The following GLCCI1 variants were observed in gnomAD, a reference collection of about 807,000 sequenced individuals.
GLCCI1 encodes glucocorticoid-induced transcript 1 protein.
Under a neutral mutation model 52.2 loss-of-function variants are expected in GLCCI1, and 24 were observed. That is an observed-to-expected ratio of 0.46 (90% CI 0.33 to 0.65). The LOEUF (loss-of-function observed/expected upper bound fraction) is 0.65, where lower values mean the gene tolerates loss of function less well. Ranked by LOEUF, GLCCI1 falls within the 30% of genes least tolerant of loss-of-function variation. GLCCI1 has a pLI of 0.02. For missense variants in GLCCI1, 704 were observed against 701.5 expected (o/e 1.00, Z -0.04); for synonymous variants, 310 against 276.5 (o/e 1.12, Z -1.20).
At chr7:8,048,950 G>C (rs143058605) in intron 3 of GLCCI1, among the ~76,000 whole-genome samples, 142 of 152,268 alleles carry the variant, frequency 9.3e-4, no homozygotes, top group Admixed American at 1.5e-3. Context: ...GGGAACGTAA[G>C]TAGAACTGTT....
At chr7:8,078,057 AC>A (rs760024634) in intron 6 of GLCCI1, among the ~76,000 whole-genome samples, 1 of 151,436 alleles carries the variant, frequency 6.6e-6, no homozygotes, top group African/African-American at 2.4e-5. Flanking sequence ...ACACGGTGAA[AC>A]CCCGTCTCTA....
rs1485978860 is a variant in GLCCI1, at chr7:7,984,565, GCTCTACGCAATATCTAA to G, written c.457+14761_457+14777del. On this transcript the variant is annotated intron_variant, in intron 1 of 7. Transcript: ENST00000223145. ...AAAGCAGATTTTGAGGTGGTTATTT[GCTCTACGCAATATCTAA>G]CTTATGTGCAGGTAAAATGACCCAA... 6.6e-5 allele frequency among the ~76,000 whole-genome samples: 10 copies of G among 152,160 alleles called. No individual in the cohort carries two copies. The East Asian group carries it at 1.7e-3, about 26-fold the overall frequency.
chr7:8,005,655 A>G (rs58348680), intron 2 of GLCCI1, among the ~76,000 whole-genome samples: 6,239 of 152,260 alleles, frequency 0.041, 257 homozygotes, highest in East Asian at 0.19. Flanking sequence ...ACAAACATAC[A>G]TATGTATGTA....
chr7:7,976,563 C>A (rs1478318814), intron 1 of GLCCI1, among the ~76,000 whole-genome samples: 1 of 149,644 alleles, frequency 6.7e-6, no homozygotes, highest in African/African-American at 2.5e-5. Context: ...AACTAGTAAC[C>A]CACGGTTGTG....
Position 8,050,206 on chromosome 7 carries a change from C to T in GLCCI1, c.697-5227C>T, listed in dbSNP as rs189024739. 4.3e-4 allele frequency among the ~76,000 whole-genome samples: 66 copies of T among 152,108 alleles called. 1 individual carries two copies. Among genetic ancestry groups the T allele is most frequent in the Admixed American group, 3.7e-3 (56 of 15,278 alleles). ...GTAGATGTGCTTACAGATGACCCTCCCTGTGTATATGTATTGTGCTTGCAC... is the reference window on the plus strand; with the variant it reads ...GTAGATGTGCTTACAGATGACCCTCTCTGTGTATATGTATTGTGCTTGCAC... On this transcript the variant is annotated intron_variant, in intron 3 of 7. Coordinates refer to ENST00000223145, the MANE Select transcript of GLCCI1 (RefSeq NM_138426.4).
intron 2 of GLCCI1, among the ~76,000 whole-genome samples, chr7:8,008,345 A>T (rs1336017303): frequency 2.0e-5 from 3 of 146,914 alleles, no homozygotes; most frequent in Non-Finnish European, 4.5e-5. Flanking sequence ...GAGTGCGGTG[A>T]TGTGATCTTG....
chr7:8,003,783 T>C lies in GLCCI1; in HGVS notation c.458-125T>C, dbSNP rs540803871. On this transcript the variant is annotated intron_variant, in intron 1 of 7. Coordinates refer to ENST00000223145, the MANE Select transcript of GLCCI1 (RefSeq NM_138426.4). ...ATTTCATCTGATCATACAACAGGGC[T>C]ATTAGTGTAAATATATATATCACAG... 66 of 723,892 alleles carry C rather than the reference T, an allele frequency of 9.1e-5. No individual in the cohort carries two copies. In the African/African-American group the frequency reaches 1.0e-3, roughly 11 times the overall value. 44.8% of individuals were successfully genotyped at this position (723,892 alleles called of 1,614,324 possible).
intron 1 of GLCCI1, among the ~76,000 whole-genome samples, chr7:7,994,813 T>C (rs530761543): frequency 1.3e-4 from 20 of 152,334 alleles, no homozygotes; most frequent in Non-Finnish European, 2.5e-4. Flanking sequence ...TATTGACTTA[T>C]TACTCTATTT....
chr7:8,025,481 G>A (rs1251979144), intron 3 of GLCCI1, among the ~76,000 whole-genome samples: 1 of 152,108 alleles, frequency 6.6e-6, no homozygotes, highest in Non-Finnish European at 1.5e-5. Context: ...TGCGATGGCA[G>A]AAGAATCAAT....
intron 3 of GLCCI1, among the ~76,000 whole-genome samples, chr7:8,046,642 C>A (rs1346824512): frequency 6.6e-6 from 1 of 152,090 alleles, no homozygotes; most frequent in Non-Finnish European, 1.5e-5. Context: ...ACCCAGAAGC[C>A]CCTGTCTCGA....
At chr7:8,028,224 T>G (rs1781663515) in intron 3 of GLCCI1, among the ~76,000 whole-genome samples, 1 of 152,170 alleles carries the variant, frequency 6.6e-6, no homozygotes, top group African/African-American at 2.4e-5. Flanking sequence ...AAAACATGTC[T>G]TAAAACATTC....
intron 1 of GLCCI1, among the ~76,000 whole-genome samples, chr7:8,002,649 A>G (rs545394846): frequency 6.6e-6 from 1 of 152,330 alleles, no homozygotes; most frequent in East Asian, 1.9e-4. Context: ...AGCATTCAAT[A>G]ATAAATGTTT....
At chr7:8,073,425 G>A (rs1467419983) in intron 6 of GLCCI1, among the ~76,000 whole-genome samples, 2 of 151,858 alleles carry the variant, frequency 1.3e-5, no homozygotes, top group Non-Finnish European at 2.9e-5. Flanking sequence ...GCCTTTGTTG[G>A]TATATTTTCC....
At chr7:8,063,812 A>C (rs1782571325) in intron 5 of GLCCI1, among the ~76,000 whole-genome samples, 1 of 150,960 alleles carries the variant, frequency 6.6e-6, no homozygotes, top group Non-Finnish European at 1.5e-5. Context: ...AGTACACACA[A>C]GGTCTTGCTA....
At chr7:7,998,581 G>T (rs1356845929) in intron 1 of GLCCI1, among the ~76,000 whole-genome samples, 2 of 152,122 alleles carry the variant, frequency 1.3e-5, no homozygotes, top group African/African-American at 4.8e-5. Context: ...TGTTTGCGTG[G>T]TTGGGTCTTT....
At chr7:7,994,945 T>A (rs75814045) in intron 1 of GLCCI1, among the ~76,000 whole-genome samples, 4,085 of 152,184 alleles carry the variant, frequency 0.027, 112 homozygotes, top group Non-Finnish European at 0.037. Flanking sequence ...ACTAACAGTG[T>A]TTGTGTTTGT....
chr7:7,999,564 G>A (rs966063077), intron 1 of GLCCI1, among the ~76,000 whole-genome samples: 2 of 151,690 alleles, frequency 1.3e-5, no homozygotes, highest in African/African-American at 2.4e-5. Context: ...CTACGATCAC[G>A]CCGGTACACT....
chr7:8,071,835 G>C (rs115005246), intron 6 of GLCCI1, among the ~76,000 whole-genome samples: 2,344 of 152,232 alleles, frequency 0.015, 57 homozygotes, highest in African/African-American at 0.051. Flanking sequence ...CTGAACTTAT[G>C]TTTATAACAA....
intron 5 of GLCCI1, among the ~76,000 whole-genome samples, chr7:8,066,292 T>TATTA (rs1361617180): frequency 6.6e-6 from 1 of 152,180 alleles, no homozygotes; most frequent in Admixed American, 6.5e-5. Flanking sequence ...TTTTTTTCTT[T>TATTA]ATTAGTCTAG....
Sources: allele counts gnomAD v4.1 joint callset (sites outside exome capture counted in the v4.1 genomes callset), GRCh38; gene constraint gnomAD v4.1.1; transcripts MANE v1.5; gene names NCBI Gene and HGNC (gene_info 2026-07-23, HGNC 2026-07-21).